The following GALNTL6 variants were observed in gnomAD, a reference collection of about 807,000 sequenced individuals.
The protein encoded by GALNTL6 is polypeptide N-acetylgalactosaminyltransferase like 6.
In GALNTL6, 46 loss-of-function variants were observed where a neutral mutation model predicts 73.7. That is an observed-to-expected ratio of 0.62 (90% CI 0.49 to 0.80). GALNTL6 has a LOEUF of 0.80. Among genes scored for constraint, GALNTL6 ranks in the 30% least tolerant of loss-of-function variants. The probability of loss-of-function intolerance (pLI) is 0.00; values close to 1 mark genes in which losing one functional copy is unlikely to be tolerated. For missense variants in GALNTL6, 604 were observed against 755.0 expected (o/e 0.80, Z 2.34); for synonymous variants, 259 against 263.7 (o/e 0.98, Z 0.17).
chr4:172,087,587 T>A (rs1171612435), intron 2 of GALNTL6, among the ~76,000 whole-genome samples: 1 of 152,102 alleles, frequency 6.6e-6, no homozygotes, highest in Non-Finnish European at 1.5e-5. Flanking sequence ...AAAGCATATG[T>A]AGTATGTCAC....
Position 172,933,165 on chromosome 4 carries a change from T to G in GALNTL6, c.1149+1897T>G, listed in dbSNP as rs189103222. On this transcript the variant is annotated intron_variant, in intron 9 of 12. Coordinates refer to ENST00000506823, the MANE Select transcript of GALNTL6 (RefSeq NM_001034845.3). ...TCACCAATCAGCTGGGTAGATATAA[T>G]AAATCATAGCAGTTTAAAATATCCT... is the stretch of plus-strand genomic sequence containing the variant. Among the ~76,000 whole-genome samples the G allele has an allele frequency of 2.4e-3, 371 of 152,206 alleles. 10 individuals carry two copies. The highest frequency in any genetic ancestry group is 6.8e-4 in the Non-Finnish European group (46 of 68,014).
chr4:172,101,397 C>T (rs1381899517), intron 2 of GALNTL6, among the ~76,000 whole-genome samples: 1 of 152,180 alleles, frequency 6.6e-6, no homozygotes, highest in African/African-American at 2.4e-5. Flanking sequence ...CTATACGTTT[C>T]TTTGCATTAC....
intron 5 of GALNTL6, among the ~76,000 whole-genome samples, chr4:172,719,846 C>A (rs2111352613): frequency 6.6e-6 from 1 of 152,224 alleles, no homozygotes; most frequent in Admixed American, 6.5e-5. Context: ...CTGCTGGCTG[C>A]CCGTTTTTAT....
Position 171,866,885 on chromosome 4 carries a change from T to C in GALNTL6, c.138+52167T>C, listed in dbSNP as rs59753809. Among the ~76,000 whole-genome samples the C allele has an allele frequency of 8.5e-3, 1,297 of 152,248 alleles. 24 individuals carry two copies. Among genetic ancestry groups the C allele is most frequent in the African/African-American group, 0.029 (1,211 of 41,540 alleles). ...AGCCCCATCTCCAAATACCATCACA[T>C]TGGGCATGAGGATTTCAACATGAAT... On this transcript the variant is annotated intron_variant, in intron 2 of 12. Coordinates refer to ENST00000506823, the MANE Select transcript of GALNTL6 (RefSeq NM_001034845.3).
intron 2 of GALNTL6, among the ~76,000 whole-genome samples, chr4:172,002,532 C>T (rs1235063188): frequency 6.6e-6 from 1 of 152,060 alleles, no homozygotes; most frequent in African/African-American, 2.4e-5. Context: ...TCCAGACATA[C>T]AAGTTTTTTT....
intron 5 of GALNTL6, among the ~76,000 whole-genome samples, chr4:172,355,482 C>A (rs986892191): frequency 2.6e-5 from 4 of 151,978 alleles, no homozygotes; most frequent in African/African-American, 9.7e-5. Context: ...TCAATGTCTA[C>A]CCTATATTAG....
chr4:173,017,310 A>G (rs888667555), intron 11 of GALNTL6, among the ~76,000 whole-genome samples: 1 of 152,228 alleles, frequency 6.6e-6, no homozygotes, highest in Non-Finnish European at 1.5e-5. Flanking sequence ...AAAGAAATCA[A>G]GGGTTATTGT....
chr4:172,107,858 T>C (rs948188610), intron 2 of GALNTL6, among the ~76,000 whole-genome samples: 6 of 152,164 alleles, frequency 3.9e-5, no homozygotes, highest in African/African-American at 1.4e-4. Flanking sequence ...TGTAAACAGA[T>C]GTCTGTTTGG....
At chr4:172,062,200 C>T (rs563413761) in intron 2 of GALNTL6, among the ~76,000 whole-genome samples, 4 of 152,066 alleles carry the variant, frequency 2.6e-5, no homozygotes, top group African/African-American at 7.2e-5. Flanking sequence ...ATGATCCGCC[C>T]GCCTTGGCCT....
At chr4:171,861,958 T>TTAATTATTTAATTATTTAATAATTAAA (rs1198948066) in intron 2 of GALNTL6, among the ~76,000 whole-genome samples, 1 of 152,154 alleles carries the variant, frequency 6.6e-6, no homozygotes, top group East Asian at 1.9e-4. Flanking sequence ...AGGCTTTGCT[T>TTAATTATTTAATTATTTAATAATTAAA]TAATTATTTA....
chr4:172,604,100 G>C (rs971342476), intron 5 of GALNTL6, among the ~76,000 whole-genome samples: 5 of 152,144 alleles, frequency 3.3e-5, no homozygotes, highest in African/African-American at 9.7e-5. Context: ...GCTATGTCAA[G>C]AAAGATTTTC....
intron 7 of GALNTL6, among the ~76,000 whole-genome samples, chr4:172,831,301 C>T (rs1343706901): frequency 1.3e-5 from 2 of 151,518 alleles, no homozygotes; most frequent in Admixed American, 1.3e-4. Flanking sequence ...AACCCAAGCA[C>T]AGTAATAGAT....
At chr4:172,231,493 A>C (rs1243092953) in intron 3 of GALNTL6, among the ~76,000 whole-genome samples, 13 of 152,216 alleles carry the variant, frequency 8.5e-5, no homozygotes, top group Admixed American at 8.5e-4. Flanking sequence ...ATTAAGAACC[A>C]GGTCTTATCA....
At chr4:172,727,143 A>G (rs961826676) in intron 5 of GALNTL6, among the ~76,000 whole-genome samples, 6 of 152,228 alleles carry the variant, frequency 3.9e-5, no homozygotes, top group African/African-American at 1.4e-4. Flanking sequence ...CTTTTCTCTC[A>G]GTTGTCATTT....
intron 5 of GALNTL6, among the ~76,000 whole-genome samples, chr4:172,628,032 G>C (rs1387890458): frequency 2.0e-5 from 3 of 151,758 alleles, no homozygotes; most frequent in African/African-American, 7.3e-5. Context: ...TTAGTATTGT[G>C]CAGTGCTCTA....
chr4:171,828,650 C>T (rs977485461), intron 2 of GALNTL6, among the ~76,000 whole-genome samples: 5 of 152,072 alleles, frequency 3.3e-5, no homozygotes, highest in Non-Finnish European at 5.9e-5. Flanking sequence ...GATGGAGTCT[C>T]CCTCCATCGC....
chr4:172,441,526 A>G (rs944062032), intron 5 of GALNTL6, among the ~76,000 whole-genome samples: 5 of 152,074 alleles, frequency 3.3e-5, no homozygotes, highest in Admixed American at 2.0e-4. Flanking sequence ...AGTGTTCTTT[A>G]TGTGGTTTAT....
chr4:172,472,820 G>A (rs1733099037), intron 5 of GALNTL6, among the ~76,000 whole-genome samples: 2 of 152,120 alleles, frequency 1.3e-5, no homozygotes, highest in Non-Finnish European at 2.9e-5. Flanking sequence ...GGCAGAAGTA[G>A]CATGCCATGT....
At chr4:172,233,183 A>G (rs1737129033) in intron 3 of GALNTL6, among the ~76,000 whole-genome samples, 2 of 148,018 alleles carry the variant, frequency 1.4e-5, no homozygotes, top group Non-Finnish European at 3.0e-5. Flanking sequence ...AGCCTGGGAA[A>G]CATAGCGAGA....
Sources: allele counts gnomAD v4.1 joint callset (sites outside exome capture counted in the v4.1 genomes callset), GRCh38; gene constraint gnomAD v4.1.1; transcripts MANE v1.5; gene names NCBI Gene and HGNC (gene_info 2026-07-23, HGNC 2026-07-21).